PIGU: variants seen among roughly 807,000 people sequenced by gnomAD.
PIGU encodes phosphatidylinositol glycan anchor biosynthesis class U.
A neutral mutation model predicts 49.9 loss-of-function variants in PIGU; 24 were observed. The observed-to-expected ratio is 0.48, with a 90% CI of 0.35 to 0.68. PIGU has a LOEUF of 0.68. PIGU is among the 30% of genes least tolerant of loss of function. The pLI, the probability that PIGU is intolerant of heterozygous loss-of-function variation, is 0.01. For synonymous variants in PIGU, 220 were observed against 205.7 expected, an observed-to-expected ratio of 1.07 and a Z score of -0.59; for missense variants, 490 against 532.6, an observed-to-expected ratio of 0.92 and a Z score of 0.79.
Position 34,581,624 on chromosome 20 carries a change from G to T in PIGU, c.975C>A (p.Ile325=). 6.2e-7 allele frequency: 1 copy of T among 1,614,036 alleles called. No homozygotes were observed. The highest frequency in any genetic ancestry group is 1.1e-5 in the South Asian group (1 of 91,064). Residue 325 remains isoleucine, a synonymous_variant, in exon 10 of 12, where the codon ATC becomes ATA. Coordinates refer to ENST00000217446, the MANE Select transcript of PIGU (RefSeq NM_080476.5). ...CCCCCACTGTCGGGTAGGACTTAAA[G>T]ATGGCGATGACAGCGATCTGGATAA... ...FMFIQIAVIA[I]FKSYPTVGDV...
At position 34,670,399 on chromosome 20, in the gene PIGU, A is replaced by T. The variant is rs561311577; in HGVS notation, c.130+6557T>A. 5.3e-5 allele frequency among the ~76,000 whole-genome samples: 8 copies of T among 152,150 alleles called. No homozygotes were observed. The East Asian group carries it at 1.3e-3, about 26-fold the overall frequency. On this transcript the variant is annotated intron_variant, in intron 1 of 11. Transcript: ENST00000217446. Reference sequence around the variant, plus strand: ...GAGACAAGGTTTCACCATGTTGCCTAGGCCGGTCTCGAACTCAAGCTCAAG... The same window carrying T: ...GAGACAAGGTTTCACCATGTTGCCTTGGCCGGTCTCGAACTCAAGCTCAAG...
intron 1 of PIGU, among the ~76,000 whole-genome samples, chr20:34,660,116 A>G (rs1001807888): frequency 6.6e-6 from 1 of 150,698 alleles, no homozygotes; most frequent in African/African-American, 2.4e-5. Context: ...AGTGGAAGAG[A>G]AAGGAGAGCT....
chr20:34,666,669 C>T (rs2146794306), intron 1 of PIGU, among the ~76,000 whole-genome samples: 1 of 149,660 alleles, frequency 6.7e-6, no homozygotes, highest in Non-Finnish European at 1.5e-5. Flanking sequence ...TGGAGTGCAC[C>T]ACTGCACCTG....
At chr20:34,626,249 C>T (rs1985484533) in intron 6 of PIGU, among the ~76,000 whole-genome samples, 1 of 151,634 alleles carries the variant, frequency 6.6e-6, no homozygotes, top group African/African-American at 2.4e-5. Context: ...ACATTTTATC[C>T]CCAGGTGGAT....
At chr20:34,639,866 C>A (rs560854286) in intron 4 of PIGU, among the ~76,000 whole-genome samples, 27 of 152,204 alleles carry the variant, frequency 1.8e-4, no homozygotes, top group African/African-American at 6.3e-4. Flanking sequence ...ATTAAAAGGA[C>A]AAAATATAAA....
At chr20:34,572,963 T>C (rs918148889) in intron 11 of PIGU, among the ~76,000 whole-genome samples, 5 of 152,016 alleles carry the variant, frequency 3.3e-5, no homozygotes, top group African/African-American at 7.3e-5. Flanking sequence ...TGCAGAGGAG[T>C]AGAAAATGAT....
At chr20:34,650,198 C>A (rs1192477930) in intron 2 of PIGU, among the ~76,000 whole-genome samples, 1 of 152,046 alleles carries the variant, frequency 6.6e-6, no homozygotes, top group Non-Finnish European at 1.5e-5. Context: ...CCGTTTGATT[C>A]ATTTTTTACA....
intron 7 of PIGU, among the ~76,000 whole-genome samples, chr20:34,599,321 C>T (rs867020552): frequency 6.6e-6 from 1 of 152,172 alleles, no homozygotes; most frequent in Middle Eastern, 3.4e-3. Context: ...GGCATGGTGG[C>T]ACGCGCCTGT....
Position 34,585,533 on chromosome 20 carries a change from A to G in PIGU, c.830T>C (p.Phe277Ser). ...GAAGTGCTCAAACATCTCTGCAAAG[A>G]AGTACCAGAAAAGACCAATGTTTGG... ...LTPNIGLFWY[F>S]FAEMFEHFSL... Residue 277 changes from phenylalanine to serine, a missense_variant, in exon 9 of 12, where the codon TTC (phenylalanine) becomes TCC (serine). Physicochemically the swap from Phe to Ser is radical, Grantham distance 155 (BLOSUM62 -2). Transcript: ENST00000217446. 1 of 1,613,544 alleles carries G rather than the reference A, an allele frequency of 6.2e-7. No homozygotes were observed. The highest frequency in any genetic ancestry group is 8.5e-7 in the Non-Finnish European group (1 of 1,179,398).
chr20:34,615,270 C>T, intron 7 of PIGU, among the ~76,000 whole-genome samples: 1 of 152,166 alleles, frequency 6.6e-6, no homozygotes, highest in Non-Finnish European at 1.5e-5. Flanking sequence ...CAGTAAATGT[C>T]AGCAATTTGC....
chr20:34,606,675 ATCATG>A (rs1255252818), intron 7 of PIGU, among the ~76,000 whole-genome samples: 1 of 152,198 alleles, frequency 6.6e-6, no homozygotes, highest in Non-Finnish European at 1.5e-5. Flanking sequence ...CACTATATAT[ATCATG>A]TCAAGTTGTT....
Position 34,588,471 on chromosome 20 carries a change from G to C in PIGU, c.764C>G (p.Pro255Arg). ...FFLLSSWDFI[P>R]AVYGFILSVP... Reference sequence around the variant, plus strand: ...TACTTACATAAAGCCATAGACTGCGGGGATGAAATCCCAAGAGCTGAGAAG... The same window carrying C: ...TACTTACATAAAGCCATAGACTGCGCGGATGAAATCCCAAGAGCTGAGAAG... Residue 255 changes from proline (P) to arginine (R), a missense_variant, in exon 8 of 12, where the codon CCC (proline) becomes CGC (arginine). Coordinates refer to ENST00000217446, the MANE Select transcript of PIGU (RefSeq NM_080476.5). The C allele has an allele frequency of 6.2e-7, 1 of 1,613,906 alleles. No homozygotes were observed. Among genetic ancestry groups the C allele is most frequent in the East Asian group, 2.2e-5 (1 of 44,864 alleles).
At chr20:34,664,926 G>C (rs906365120) in intron 1 of PIGU, among the ~76,000 whole-genome samples, 1 of 152,060 alleles carries the variant, frequency 6.6e-6, no homozygotes. Flanking sequence ...GCTGCAGTAA[G>C]CTGTGATTGT....
chr20:34,649,367 T>C (rs1213606805), intron 2 of PIGU, among the ~76,000 whole-genome samples: 1 of 151,984 alleles, frequency 6.6e-6, no homozygotes, highest in Non-Finnish European at 1.5e-5. Flanking sequence ...TGGGCTGTTT[T>C]ACTAAGTTTC....
chr20:34,625,323 G>A lies in PIGU; in HGVS notation c.530-9184C>T, dbSNP rs1426522241. On this transcript the variant is annotated intron_variant, in intron 6 of 11. Transcript: ENST00000217446. ...GCAGAGGTTGTGGTGAGCCGAGATT[G>A]TGCCATTGCACTCCAGCCTGGGGAA... Among the ~76,000 whole-genome samples the A allele has an allele frequency of 4.7e-5, 7 of 149,012 alleles. No individual in the cohort carries two copies. The East Asian group carries it at 1.2e-3, about 25-fold the overall frequency.
chr20:34,645,448 T>C, intron 2 of PIGU, 114 bp from the exon 3 acceptor site: 1 of 1,311,250 alleles, frequency 7.6e-7, no homozygotes, highest in South Asian at 2.1e-5. Flanking sequence ...TATGCTAGTA[T>C]TCTCCTTCCT....
At chr20:34,673,115 G>A (rs1265081853) in intron 1 of PIGU, among the ~76,000 whole-genome samples, 1 of 151,836 alleles carries the variant, frequency 6.6e-6, no homozygotes, top group African/African-American at 2.4e-5. Context: ...TTAACCGGGT[G>A]TGGTGGCGGG....
intron 11 of PIGU, among the ~76,000 whole-genome samples, chr20:34,565,770 ATGCACACACAGG>A (rs1982726777): frequency 1.3e-5 from 2 of 151,514 alleles, no homozygotes; most frequent in South Asian, 2.1e-4. Flanking sequence ...CTGCTCACAC[ATGCACACACAGG>A]TGCACACACA....
chr20:34,568,675 G>A lies in PIGU; in HGVS notation c.1194+6429C>T, dbSNP rs554781002. On this transcript the variant is annotated intron_variant, in intron 11 of 11. Coordinates refer to ENST00000217446, the MANE Select transcript of PIGU (RefSeq NM_080476.5). The stretch of plus-strand genomic sequence containing the variant: ...AGAGGCAACTCCGGGAGACAGGATT[G>A]TGGTTTCACCTGTGTTGCAGTGAAC... Among the ~76,000 whole-genome samples, 3 of 152,350 alleles carry A rather than the reference G, an allele frequency of 2.0e-5. No individual in the cohort carries two copies. The South Asian group carries it at 6.2e-4, about 32-fold the overall frequency.
Sources: gnomAD v4.1 joint callset for allele counts (sites outside exome capture counted in the v4.1 genomes callset) on GRCh38, gnomAD v4.1.1 for gene constraint, MANE v1.5 for transcripts, NCBI Gene and HGNC (gene_info 2026-07-23, HGNC 2026-07-21) for gene names.